CSAD: variants seen among roughly 807,000 people sequenced by gnomAD.
The protein encoded by CSAD is cysteine sulfinic acid decarboxylase, also known as P-selectin cytoplasmic tail-associated protein.
Under a neutral mutation model 61.5 loss-of-function variants are expected in CSAD, and 47 were observed. The observed-to-expected ratio is 0.76, with a 90% CI of 0.60 to 0.97. The LOEUF (loss-of-function observed/expected upper bound fraction) is 0.97. CSAD is among the 50% of genes least tolerant of loss of function. CSAD has a pLI of 0.00. For missense variants in CSAD, 611 were observed against 643.6 expected, an observed-to-expected ratio of 0.95 and a Z score of 0.55; for synonymous variants, 245 against 252.7, an observed-to-expected ratio of 0.97 and a Z score of 0.29.
intron 14 of CSAD, 22 bp downstream of exon 14, chr12:53,160,097 AC>A (rs771805589): frequency 1.2e-6 from 2 of 1,610,364 alleles, no homozygotes; most frequent in South Asian, 1.1e-5. Context: ...AACAGGGACG[AC>A]CCCCCACCTC....
chr12:53,173,182 T>A, intron 4 of CSAD, 163 bp downstream of exon 4: 2 of 672,130 alleles, frequency 3.0e-6, no homozygotes, highest in Non-Finnish European at 4.8e-6. Flanking sequence ...CACTCCAGCC[T>A]GGCCGATAGA....
chr12:53,159,579 C>T (rs919994900), intron 16 of CSAD, 44 bp downstream of exon 16: 10 of 1,536,976 alleles, frequency 6.5e-6, no homozygotes, highest in African/African-American at 5.4e-5. Context: ...GCATCAGTTG[C>T]ATCAGCTCCC....
chr12:53,158,367 C>A lies in CSAD; in HGVS notation c.*144G>T. 1.4e-6 allele frequency: 1 copy of A among 736,066 alleles called. No individual in the cohort carries two copies. The highest frequency in any genetic ancestry group is 2.2e-6 in the Non-Finnish European group (1 of 459,200). 45.6% of individuals were successfully genotyped at this position (736,066 alleles called of 1,614,324 possible). On this transcript the variant is annotated 3_prime_UTR_variant, in exon 17 of 17. Transcript: ENST00000444623. The stretch of plus-strand genomic sequence containing the variant: ...GCCAGGCTGGTCTCGAACTCCTGAC[C>A]TCAAGTGATCCACCCGCCTCGGCCT...
In CSAD at chr12:53,173,447, G is replaced by A. The variant is rs772208797; in HGVS notation, c.24C>T (p.Pro8=). 6 of 1,614,204 alleles carry A rather than the reference G, an allele frequency of 3.7e-6. No individual in the cohort carries two copies. The South Asian group carries it at 6.6e-5, about 18-fold the overall frequency. MADSEAL[P]SLAGDPVAVE... is the part of the protein sequence containing the mutation. ...CAGCCACTGGGTCCCCAGCAAGGGAGGGGAGTGCTTCTGAGTCAGCCATCA... is the reference window on the plus strand; with the variant it reads ...CAGCCACTGGGTCCCCAGCAAGGGAAGGGAGTGCTTCTGAGTCAGCCATCA... The change falls in exon 4 of 17, where the codon CCC becomes CCT. Residue 8 remains proline, a synonymous_variant. Coordinates refer to ENST00000444623, the MANE Select transcript of CSAD (RefSeq NM_001244705.2).
Position 53,172,531 on chromosome 12 carries a change from C to T in CSAD, c.244G>A (p.Val82Ile), listed in dbSNP as rs1401221665. The part of the protein sequence containing the change: ...ERCRAVIRYS[V>I]KTGHPRFFNQ... ...AGAAGCCAGGGCCCACCAGTCTTGA[C>T]ACTGTAGCGAATCACAGCCCGACAC... The change falls in exon 5 of 17, where the codon GTC (valine) becomes ATC (isoleucine). Residue 82 changes from valine to isoleucine, a missense_variant. Coordinates refer to ENST00000444623, the MANE Select transcript of CSAD (RefSeq NM_001244705.2). 1 of 1,614,160 alleles carries T rather than the reference C, an allele frequency of 6.2e-7. No homozygotes were observed. Among genetic ancestry groups the T allele is most frequent in the South Asian group, 1.1e-5 (1 of 91,084 alleles).
chr12:53,181,178 G>T (rs987651834), upstream of CSAD: 5 of 985,242 alleles, frequency 5.1e-6, no homozygotes, highest in South Asian at 9.4e-5. Context: ...GACACGCCGC[G>T]CCGGGCTTCG....
chr12:53,180,430 C>G (rs1258352889), intron 1 of CSAD: 1 of 1,170,176 alleles, frequency 8.5e-7, no homozygotes, highest in Non-Finnish European at 1.1e-6. Flanking sequence ...CATCGAGCAC[C>G]CAGCGTACAA....
Position 53,173,442 on chromosome 12 carries a change from A to T in CSAD, c.29T>A (p.Leu10His). 14 of 1,614,142 alleles carry T rather than the reference A, an allele frequency of 8.7e-6. No homozygotes were observed. The highest frequency in any genetic ancestry group is 1.2e-5 in the Non-Finnish European group (14 of 1,179,996). The change falls in exon 4 of 17, where the codon CTT becomes CAT. Residue 10 changes from leucine (L) to histidine (H), a missense_variant. Physicochemically the swap from Leu to His is moderately conservative, Grantham distance 99. Coordinates refer to ENST00000444623, the MANE Select transcript of CSAD (RefSeq NM_001244705.2). Reference sequence around the variant, plus strand: ...TTCCACAGCCACTGGGTCCCCAGCAAGGGAGGGGAGTGCTTCTGAGTCAGC... The same window carrying T: ...TTCCACAGCCACTGGGTCCCCAGCATGGGAGGGGAGTGCTTCTGAGTCAGC... MADSEALPS[L>H]AGDPVAVEAL... is the part of the protein sequence containing the mutation.
At chr12:53,178,235 G>C (rs1592367295) in intron 2 of CSAD, 1 of 392,042 alleles carries the variant, frequency 2.6e-6, no homozygotes, top group East Asian at 7.3e-5. Context: ...CACTCTAGGA[G>C]GCCGAGGCCA....
chr12:53,171,003 G>C, intron 8 of CSAD: 1 of 492,624 alleles, frequency 2.0e-6, no homozygotes, highest in Non-Finnish European at 3.8e-6. Context: ...TTACAGGCGT[G>C]AGTCACCGTG....
intron 1 of CSAD, 181 bp downstream of exon 1, chr12:53,180,551 G>A (rs769609046): frequency 1.6e-6 from 2 of 1,279,262 alleles, no homozygotes; most frequent in South Asian, 1.2e-5. Context: ...CTCGGCGCAC[G>A]GCGCCGCCCA....
In CSAD at chr12:53,159,601, G is replaced by T; in HGVS notation, c.1308+22C>A. ...TTGCATCAGCTCCCTAACGGGTAAA[G>T]AGAGCAGCACAGCACGCCTACCTTT... On this transcript the variant is annotated intron_variant, in intron 16 of 16. Coordinates refer to ENST00000444623, the MANE Select transcript of CSAD (RefSeq NM_001244705.2). 3 of 1,599,430 alleles carry T rather than the reference G, an allele frequency of 1.9e-6. No individual in the cohort carries two copies. In the South Asian group the frequency reaches 3.4e-5, roughly 18 times the overall value.
chr12:53,172,379 C>G lies in CSAD; in HGVS notation c.311G>C (p.Gly104Ala). 6.2e-7 allele frequency: 1 copy of G among 1,614,054 alleles called. No homozygotes were observed. The highest frequency in any genetic ancestry group is 8.5e-7 in the Non-Finnish European group (1 of 1,180,016). Residue 104 changes from glycine to alanine, a missense_variant, in exon 6 of 17, where the codon GGG becomes GCG. Coordinates refer to ENST00000444623, the MANE Select transcript of CSAD (RefSeq NM_001244705.2). ...FSGLDPHALA[G>A]RIITESLNTS... The stretch of plus-strand genomic sequence containing the variant: ...GTTGAGGCTCTCAGTGATAATGCGC[C>G]CGGCCAGAGCATGGGGATCCAACCC...
chr12:53,162,023 G>A (rs536509726), intron 10 of CSAD, among the ~76,000 whole-genome samples: 2 of 152,038 alleles, frequency 1.3e-5, no homozygotes, highest in Non-Finnish European at 1.5e-5. Context: ...ACTTTGAGAA[G>A]CCAAGGCAGG....
At chr12:53,167,738 G>A (rs2121483152) in intron 10 of CSAD, among the ~76,000 whole-genome samples, 1 of 152,346 alleles carries the variant, frequency 6.6e-6, no homozygotes, top group Middle Eastern at 3.4e-3. Context: ...GTGCTGGTGA[G>A]TATGTAGAGC....
At position 53,180,760 on chromosome 12, in the gene CSAD, G is replaced by GTGGGGTTGGCAGGGTGTGC; in HGVS notation, c.-138_-120dup. 3.2e-6 allele frequency: 4 copies of GTGGGGTTGGCAGGGTGTGC among 1,268,838 alleles called. No homozygotes were observed. Among genetic ancestry groups the GTGGGGTTGGCAGGGTGTGC allele is most frequent in the Non-Finnish European group, 4.1e-6 (4 of 979,726 alleles). The allele number at this position is 1,268,838 out of a possible 1,614,324, so 78.6% of individuals were successfully genotyped here. A position where few individuals can be genotyped will look rare whatever the true frequency, so the allele number is the denominator to read the frequency against. On this transcript the variant is annotated 5_prime_UTR_variant, in exon 1 of 17. Transcript: ENST00000444623. Reference sequence around the variant, plus strand: ...GGTCCCGGTGGGGGCAGCCGCGGCGGTGGGGTTGGCAGGGTGTGCTGGGGC... The same window carrying GTGGGGTTGGCAGGGTGTGC: ...GGTCCCGGTGGGGGCAGCCGCGGCGGTGGGGTTGGCAGGGTGTGCTGGGGTTGGCAGGGTGTGCTGGGGC...
Position 53,159,689 on chromosome 12 carries a change from G to T in CSAD, c.1242C>A (p.Phe414Leu). 6.2e-7 allele frequency: 1 copy of T among 1,611,040 alleles called. No homozygotes were observed. Among genetic ancestry groups the T allele is most frequent in the East Asian group, 2.2e-5 (1 of 44,860 alleles). ...VMEPEFVNVC[F>L]WFVPPSLRGK... ...CTCGCAGGCTGGGGGGTACGAACCA[G>T]AAACACACATTGACAAACTCAGGCT... Residue 414 changes from phenylalanine to leucine, a missense_variant, in exon 16 of 17, where the codon TTC (phenylalanine) becomes TTA (leucine). Transcript: ENST00000444623.
intron 1 of CSAD, 23 bp from the exon 2 acceptor site, chr12:53,179,165 T>G (rs1356089255): frequency 2.0e-5 from 3 of 152,390 alleles, no homozygotes; most frequent in African/African-American, 7.2e-5. Flanking sequence ...AAAAGATAAC[T>G]ATTTAAGGAT....
rs903937908 is a variant in CSAD at position 53,173,939 on chromosome 12, T to A, written c.-49-169A>T. The A allele has an allele frequency of 8.4e-5, 54 of 645,448 alleles. No individual in the cohort carries two copies. The African/African-American group carries it at 9.9e-4, about 12-fold the overall frequency. 40.0% of individuals were successfully genotyped at this position (645,448 alleles called of 1,614,324 possible). On this transcript the variant is annotated intron_variant, in intron 2 of 16. Transcript: ENST00000444623. The stretch of plus-strand genomic sequence containing the variant: ...GTAGCAGTCATTTCCCATTCTCCCC[T>A]TCCCCGACCCCTGGCAACTACTAAT...
Sources: gnomAD v4.1 joint callset for allele counts (sites outside exome capture counted in the v4.1 genomes callset) on GRCh38, gnomAD v4.1.1 for gene constraint, MANE v1.5 for transcripts, NCBI Gene and HGNC (gene_info 2026-07-23, HGNC 2026-07-21) for gene names.